Variants in RYR2 observed in about 807,000 individuals in gnomAD.
The protein encoded by RYR2 is ryanodine receptor 2, also known as cardiac muscle ryanodine receptor-calcium release channel.
RYR2 carries 227 observed loss-of-function variants against 601.1 expected under a neutral mutation model. The ratio of observed to expected loss-of-function variants is 0.38; its 90% CI spans 0.34 to 0.42. RYR2 has a LOEUF of 0.42. Among genes scored for constraint, RYR2 ranks in the 10% least tolerant of loss-of-function variants. RYR2 has a pLI of 1.00. For missense variants in RYR2, 4,646 were observed against 6,156.5 expected, an observed-to-expected ratio of 0.75 and a Z score of 8.21; for synonymous variants, 2,223 against 2,175.1, an observed-to-expected ratio of 1.02 and a Z score of -0.61.
At chr1:237,107,517 C>A (rs141685940) in intron 1 of RYR2, among the ~76,000 whole-genome samples, 2 of 3,922 alleles carry the variant, frequency 5.1e-4, no homozygotes, top group Non-Finnish European at 0.029. Context: ...GAGACTCCAT[C>A]TCAAAAAAAA....
At chr1:237,319,914 G>T (rs189938501) in intron 2 of RYR2, among the ~76,000 whole-genome samples, 1 of 152,292 alleles carries the variant, frequency 6.6e-6, no homozygotes, top group East Asian at 1.9e-4. Flanking sequence ...GGTGCAGTGT[G>T]CATGGCATCT....
intron 1 of RYR2, among the ~76,000 whole-genome samples, chr1:237,064,211 A>G (rs929330196): frequency 1.8e-4 from 28 of 151,830 alleles, no homozygotes; most frequent in Admixed American, 1.2e-3. Context: ...AATTCGGAGT[A>G]TTTCCCACTG....
intron 2 of RYR2, among the ~76,000 whole-genome samples, chr1:237,280,790 T>TG (rs1254363853): frequency 2.6e-5 from 4 of 151,608 alleles, no homozygotes; most frequent in South Asian, 4.2e-4. Context: ...GGTTTTTTTT[T>TG]TTTTTGTTTT....
chr1:237,431,656 G>A (rs904597488), intron 12 of RYR2, among the ~76,000 whole-genome samples: 1 of 151,802 alleles, frequency 6.6e-6, no homozygotes, highest in Non-Finnish European at 1.5e-5. Flanking sequence ...TCTATATATT[G>A]CTGACTACTT....
At chr1:237,251,312 C>T (rs188749420) in intron 1 of RYR2, among the ~76,000 whole-genome samples, 12 of 152,214 alleles carry the variant, frequency 7.9e-5, no homozygotes, top group Non-Finnish European at 1.2e-4. Context: ...ATTCTTAAGT[C>T]CCCTCCATTC....
chr1:237,742,485 A>G (rs558936815), intron 80 of RYR2, 136 bp downstream of exon 80: 13 of 684,886 alleles, frequency 1.9e-5, no homozygotes, highest in Non-Finnish European at 2.8e-5. Flanking sequence ...TCAGAGCTGG[A>G]TGGACAAACC....
At chr1:237,282,331 C>T (rs1690983536) in intron 2 of RYR2, among the ~76,000 whole-genome samples, 1 of 152,040 alleles carries the variant, frequency 6.6e-6, no homozygotes, top group Non-Finnish European at 1.5e-5. Context: ...TTCCAAAAAA[C>T]CTGTACTTAC....
intron 33 of RYR2, 103 bp from the exon 34 acceptor site, chr1:237,595,395 A>T: frequency 7.4e-7 from 1 of 1,358,302 alleles, no homozygotes; most frequent in Non-Finnish European, 1.0e-6. Context: ...TTACAGCATG[A>T]GCTTGTTGCT....
chr1:237,445,402 C>G lies in RYR2; in HGVS notation c.1172C>G (p.Ala391Gly), dbSNP rs374306538. ...GGCCTTATTTTTGCTTTCTTACAGG[C>G]TATTATGCATCATGAAGGCCACATG... ...SVRMGSIQRK[A>G]IMHHEGHMDD... The change falls in exon 14 of 105, where the codon GCT (alanine) becomes GGT (glycine). Residue 391 changes from alanine to glycine, a missense_variant and splice_region_variant. Coordinates refer to ENST00000366574, the MANE Select transcript of RYR2 (RefSeq NM_001035.3). 48 of 1,613,258 alleles carry G rather than the reference C, an allele frequency of 3.0e-5. No individual in the cohort carries two copies. Among genetic ancestry groups the G allele is most frequent in the Non-Finnish European group, 3.7e-5 (44 of 1,179,538 alleles).
chr1:237,057,254 C>T (rs1385599351), intron 1 of RYR2, among the ~76,000 whole-genome samples: 2 of 151,946 alleles, frequency 1.3e-5, no homozygotes, highest in African/African-American at 2.4e-5. Flanking sequence ...GGTGTGATAT[C>T]GGCTCACTGC....
chr1:237,193,816 G>C lies in RYR2; in HGVS notation c.49-76681G>C, dbSNP rs185514067. ...TATAAAACAAAAATATTGATAGCAA[G>C]ACTTTGACCAGATTCCAGAAGAATG... On this transcript the variant is annotated intron_variant, in intron 1 of 104. Coordinates refer to ENST00000366574, the MANE Select transcript of RYR2 (RefSeq NM_001035.3). 1.5e-3 allele frequency among the ~76,000 whole-genome samples: 230 copies of C among 152,266 alleles called. 2 individuals are homozygous for C. The highest frequency in any genetic ancestry group is 5.4e-3 in the African/African-American group (223 of 41,554).
Position 237,269,570 on chromosome 1 carries a change from A to G in RYR2, c.49-927A>G, listed in dbSNP as rs922816397. ...GTTTCCTTGAGGTTGAGATGTCAAA[A>G]CACGTAAATGGTCAGACTTTTTAGG... is the stretch of plus-strand genomic sequence containing the variant. On this transcript the variant is annotated intron_variant, in intron 1 of 104. Transcript: ENST00000366574. 2.0e-5 allele frequency among the ~76,000 whole-genome samples: 3 copies of G among 152,158 alleles called. No homozygotes were observed. The East Asian group carries it at 5.8e-4, about 29-fold the overall frequency.
At chr1:237,164,304 A>C (rs764578060) in intron 1 of RYR2, among the ~76,000 whole-genome samples, 1 of 152,178 alleles carries the variant, frequency 6.6e-6, no homozygotes, top group African/African-American at 2.4e-5. Context: ...GAAAGCTCAT[A>C]TGAACCTGAG....
At chr1:237,498,228 T>A (rs1428957096) in intron 20 of RYR2, among the ~76,000 whole-genome samples, 1 of 152,060 alleles carries the variant, frequency 6.6e-6, no homozygotes, top group African/African-American at 2.4e-5. Context: ...TGAAGCTGTG[T>A]TTTGCATATT....
intron 16 of RYR2, among the ~76,000 whole-genome samples, chr1:237,463,529 A>T (rs552458249): frequency 5.1e-4 from 78 of 152,114 alleles, no homozygotes; most frequent in Admixed American, 3.9e-3. Context: ...AAGTATCTAG[A>T]ATGATTAAAT....
At chr1:237,822,059 C>A (rs1266274752) in intron 101 of RYR2, among the ~76,000 whole-genome samples, 1 of 151,984 alleles carries the variant, frequency 6.6e-6, no homozygotes, top group East Asian at 1.9e-4. Context: ...ATTGGTGTAC[C>A]TGAAAGTGAC....
intron 102 of RYR2, 47 bp from the exon 103 acceptor site, chr1:237,830,480 TTTG>T (rs745437670): frequency 8.8e-7 from 1 of 1,142,272 alleles, no homozygotes; most frequent in Admixed American, 1.7e-5. Flanking sequence ...GTGTTTTCCT[TTTG>T]TTTTGCTTTC....
intron 1 of RYR2, among the ~76,000 whole-genome samples, chr1:237,172,716 G>C (rs74998895): frequency 6.6e-6 from 1 of 152,154 alleles, no homozygotes; most frequent in Non-Finnish European, 1.5e-5. Flanking sequence ...CTCACTCTGC[G>C]TTAGCATGTT....
chr1:237,331,801 A>T (rs1035462071), intron 3 of RYR2, among the ~76,000 whole-genome samples: 3 of 151,912 alleles, frequency 2.0e-5, no homozygotes, highest in African/African-American at 7.3e-5. Flanking sequence ...GGCGTGAGCC[A>T]CCGCGCCCAG....
Sources: allele counts gnomAD v4.1 joint callset (sites outside exome capture counted in the v4.1 genomes callset), GRCh38; gene constraint gnomAD v4.1.1; transcripts MANE v1.5; gene names NCBI Gene and HGNC (gene_info 2026-07-23, HGNC 2026-07-21).